BEGAIN: variants seen among roughly 807,000 people sequenced by gnomAD.
The protein encoded by BEGAIN is brain enriched guanylate kinase associated, also known as brain-enriched guanylate kinase-associated protein.
A neutral mutation model predicts 35.8 loss-of-function variants in BEGAIN; 19 were observed. The observed-to-expected ratio is 0.53, with a 90% CI of 0.37 to 0.78. The LOEUF is 0.78. Ranked by LOEUF, BEGAIN falls within the 30% of genes least tolerant of loss-of-function variation. The pLI is 0.00. For missense variants in BEGAIN, 795 were observed against 853.6 expected (o/e 0.93, Z 0.85); for synonymous variants, 462 against 388.6 (o/e 1.19, Z -2.22).
Position 100,567,675 on chromosome 14 carries a change from G to C in BEGAIN, c.71+236C>G, listed in dbSNP as rs909235420. 6.6e-6 allele frequency among the ~76,000 whole-genome samples: 1 copy of C among 151,406 alleles called. No individual in the cohort carries two copies. The highest frequency in any genetic ancestry group is 1.5e-5 in the Non-Finnish European group (1 of 67,638). On this transcript the variant is annotated intron_variant, in intron 2 of 6. Coordinates refer to ENST00000554140, the MANE Select transcript of BEGAIN (RefSeq NM_001385089.1). The surrounding 1 kb of genome is among the most constrained non-coding windows in gnomAD (Gnocchi z 5.1). The stretch of plus-strand genomic sequence containing the variant: ...GGCAGCCCGGCCCTCAGTGGCGCTA[G>C]CCCCAGCCCCCGCCGCAGCGGCCCG...
In BEGAIN at chr14:100,568,166, G is replaced by A. The variant is rs1303683289; in HGVS notation, c.43-227C>T. ...CAGGTGAGCCCGCCCGGGCCGCCGC[G>A]CTCCCCGCACCGAGTTACGCCCCCC... On this transcript the variant is annotated intron_variant, in intron 1 of 6. Coordinates refer to ENST00000554140, the MANE Select transcript of BEGAIN (RefSeq NM_001385089.1). The surrounding 1 kb of genome is among the most constrained non-coding windows in gnomAD (Gnocchi z 7.5). The A allele has an allele frequency of 1.0e-5, 9 of 900,434 alleles. No homozygotes were observed. The highest frequency in any genetic ancestry group is 1.2e-5 in the Non-Finnish European group (9 of 748,998). 55.8% of individuals were successfully genotyped at this position (900,434 alleles called of 1,614,324 possible).
rs985629159 is a variant in BEGAIN at position 100,587,231 on chromosome 14, C to T, written c.42+18G>A. ...CGCCCGCGCCCGCGCCCTGCCCTCC[C>T]GGCTCGCAGGTACTCACCGCCCGGC... On this transcript the variant is annotated intron_variant, in intron 1 of 6. Transcript: ENST00000554140. 1.0e-5 allele frequency: 2 copies of T among 192,410 alleles called. No homozygotes were observed. The highest frequency in any genetic ancestry group is 8.0e-5 in the South Asian group (1 of 12,472). The allele number at this position is 192,410 out of a possible 1,614,324, so 11.9% of individuals were successfully genotyped here. A position where few individuals can be genotyped will look rare whatever the true frequency, so the allele number is the denominator to read the frequency against.
Position 100,545,082 on chromosome 14 carries a change from A to AG in BEGAIN, c.234-17dup. On this transcript the variant is annotated splice_polypyrimidine_tract_variant and intron_variant, in intron 3 of 6. Transcript: ENST00000554140. ...GCTCTGAATCCTGGTGCAGGAGGCAAGGGGGTCACTGCCATGCAAGGCCTG... is the reference window on the plus strand; with the variant it reads ...GCTCTGAATCCTGGTGCAGGAGGCAAGGGGGGTCACTGCCATGCAAGGCCTG... 6.2e-7 allele frequency: 1 copy of AG among 1,613,004 alleles called. No individual in the cohort carries two copies. Among genetic ancestry groups the AG allele is most frequent in the South Asian group, 1.1e-5 (1 of 91,090 alleles).
Position 100,538,237 on chromosome 14 carries a change from C to T in BEGAIN, c.1571G>A (p.Arg524His), listed in dbSNP as rs764209715. The T allele has an allele frequency of 2.6e-6, 4 of 1,567,910 alleles. No individual in the cohort carries two copies. In the Admixed American group the frequency reaches 5.4e-5, roughly 21 times the overall value. Residue 524 changes from arginine to histidine, a missense_variant, in exon 7 of 7, where the codon CGC becomes CAC. By Grantham distance (29) the Arg-to-His change is conservative. This residue lies in a region of BEGAIN where 664 missense variants were observed against 647.7 expected (regional missense o/e 1.03). Coordinates refer to ENST00000554140, the MANE Select transcript of BEGAIN (RefSeq NM_001385089.1). ...AGGDLSLSPG[R>H]SADPLPGYAP... is the part of the protein sequence containing the mutation. ...ATAGCCGGGCAGTGGGTCAGCCGAG[C>T]GGCCGGGACTGAGGCTCAGGTCGCC...
chr14:100,580,468 C>T (rs1351851613), intron 1 of BEGAIN, among the ~76,000 whole-genome samples: 2 of 152,174 alleles, frequency 1.3e-5, no homozygotes, highest in Non-Finnish European at 2.9e-5. Context: ...GAACGTCTCT[C>T]AGGTCCTGAA....
In BEGAIN at chr14:100,538,703, C is replaced by G. The variant is rs760231970; in HGVS notation, c.1105G>C (p.Ala369Pro). Residue 369 changes from alanine to proline, a missense_variant, in exon 7 of 7, where the codon GCC (alanine) becomes CCC (proline). Around this residue, in one of 3 missense-constraint regions of BEGAIN, gnomAD observed 664 missense variants for 647.7 expected, o/e 1.03. Coordinates refer to ENST00000554140, the MANE Select transcript of BEGAIN (RefSeq NM_001385089.1). ...GCCGCCACCGCGGCCGTGGCCTTGG[C>G]AAAGCGAGGGCTGCCCTCGTAGGTG... ...ATTYEGSPRF[A>P]KATAAVAAPL... 27 of 1,560,256 alleles carry G rather than the reference C, an allele frequency of 1.7e-5. No individual in the cohort carries two copies. Among genetic ancestry groups the G allele is most frequent in the Non-Finnish European group, 1.1e-5 (13 of 1,152,548 alleles).
chr14:100,582,213 C>T (rs535800894), intron 1 of BEGAIN, among the ~76,000 whole-genome samples: 241 of 152,280 alleles, frequency 1.6e-3, no homozygotes, highest in Non-Finnish European at 2.6e-3. Flanking sequence ...GGCGCGATCT[C>T]GGCTCACTGC....
chr14:100,561,013 A>T (rs967193434), intron 2 of BEGAIN, among the ~76,000 whole-genome samples: 7 of 144,274 alleles, frequency 4.9e-5, no homozygotes, highest in African/African-American at 1.9e-4. Context: ...CAGCCCTCGG[A>T]AGGATTTTCT....
Position 100,567,142 on chromosome 14 carries a change from C to G in BEGAIN, c.71+769G>C, listed in dbSNP as rs1318200439. Among the ~76,000 whole-genome samples, 2 of 152,190 alleles carry G rather than the reference C, an allele frequency of 1.3e-5. No homozygotes were observed. The highest frequency in any genetic ancestry group is 2.9e-5 in the Non-Finnish European group (2 of 68,030). ...CAGCCAGAGCTGGGCCTGCCGCCCACACAACGCCTCGGCTCAGGCTCCGGA... is the reference window on the plus strand; with the variant it reads ...CAGCCAGAGCTGGGCCTGCCGCCCAGACAACGCCTCGGCTCAGGCTCCGGA... On this transcript the variant is annotated intron_variant, in intron 2 of 6. Coordinates refer to ENST00000554140, the MANE Select transcript of BEGAIN (RefSeq NM_001385089.1). This position sits in a 1 kb window ranked among gnomAD's most constrained non-coding sequence, Gnocchi z 5.1.
chr14:100,553,228 A>G (rs1419166759), intron 2 of BEGAIN, among the ~76,000 whole-genome samples: 1 of 151,990 alleles, frequency 6.6e-6, no homozygotes, highest in Non-Finnish European at 1.5e-5. Context: ...CACAAGGTGC[A>G]CCTGTGTCCC....
chr14:100,538,545 G>C lies in BEGAIN; in HGVS notation c.1263C>G (p.Ala421=). 6.6e-7 allele frequency: 1 copy of C among 1,516,572 alleles called. No homozygotes were observed. The highest frequency in any genetic ancestry group is 8.8e-7 in the Non-Finnish European group (1 of 1,133,784). The allele number at this position is 1,516,572 out of a possible 1,614,324, so 93.9% of individuals were successfully genotyped here. The part of the protein sequence containing the change: ...LMPPNLWSLR[A]KPGTARLPGE... ...CGGGGAGCCGGGCGGTCCCCGGCTT[G>C]GCCCGCAGGCTCCACAGGTTTGGGG... The change falls in exon 7 of 7, where the codon GCC becomes GCG. Residue 421 remains alanine (A), a synonymous_variant. Coordinates refer to ENST00000554140, the MANE Select transcript of BEGAIN (RefSeq NM_001385089.1).
intron 5 of BEGAIN, among the ~76,000 whole-genome samples, chr14:100,543,341 C>T (rs2031922326): frequency 6.7e-6 from 1 of 148,370 alleles, no homozygotes; most frequent in South Asian, 2.2e-4. Context: ...ACACCATCAT[C>T]TTGGAGCCTA....
At chr14:100,553,273 T>A (rs2033383698) in intron 2 of BEGAIN, among the ~76,000 whole-genome samples, 1 of 152,020 alleles carries the variant, frequency 6.6e-6, no homozygotes, top group African/African-American at 2.4e-5. Flanking sequence ...CCGCCGCCTC[T>A]CAGCCCTGAG....
At position 100,586,857 on chromosome 14, in the gene BEGAIN, C is replaced by T. The variant is rs1159747317; in HGVS notation, c.42+392G>A. 1.3e-5 allele frequency among the ~76,000 whole-genome samples: 2 copies of T among 152,112 alleles called. No homozygotes were observed. The highest frequency in any genetic ancestry group is 2.9e-5 in the Non-Finnish European group (2 of 67,996). ...GCCCTGCCCCCAGACGCAGGCGGGT[C>T]CAGGCCTGCCCGCACCCTCGCCACC... On this transcript the variant is annotated intron_variant, in intron 1 of 6. Transcript: ENST00000554140. The surrounding 1 kb of genome is among the most constrained non-coding windows in gnomAD (Gnocchi z 4.9).
At chr14:100,576,620 A>C (rs535274892) in intron 1 of BEGAIN, among the ~76,000 whole-genome samples, 1 of 152,264 alleles carries the variant, frequency 6.6e-6, no homozygotes, top group East Asian at 1.9e-4. Flanking sequence ...GGGCACGAGC[A>C]ACATCCGGGC....
intron 2 of BEGAIN, among the ~76,000 whole-genome samples, chr14:100,550,084 G>A (rs1283358356): frequency 3.3e-5 from 5 of 152,194 alleles, no homozygotes; most frequent in African/African-American, 4.8e-5. Context: ...GTGTGCGTGC[G>A]CACGTGATTC....
intron 2 of BEGAIN, among the ~76,000 whole-genome samples, chr14:100,557,362 G>A (rs188206022): frequency 1.3e-5 from 2 of 152,358 alleles, no homozygotes; most frequent in East Asian, 1.9e-4. Flanking sequence ...AGAGATGACC[G>A]CCATGGCGGC....
chr14:100,576,845 C>T lies in BEGAIN; in HGVS notation c.43-8906G>A, dbSNP rs117076240. 2.8e-3 allele frequency among the ~76,000 whole-genome samples: 432 copies of T among 152,286 alleles called. 8 individuals carry two copies. The East Asian group carries it at 0.033, about 12-fold the overall frequency. On this transcript the variant is annotated intron_variant, in intron 1 of 6. Transcript: ENST00000554140. ...CCAGAGTGCATGTGTGGACGGGGTA[C>T]GAGGAAAGAGCTCTACAGCCCAAGC...
intron 6 of BEGAIN, 35 bp from the exon 7 acceptor site, chr14:100,539,350 AG>A: frequency 6.6e-7 from 1 of 1,520,426 alleles, no homozygotes; most frequent in Non-Finnish European, 8.8e-7. Flanking sequence ...CGGCGGGTAC[AG>A]GGTCACTGTT....
Sources: gnomAD v4.1 joint callset for allele counts (sites outside exome capture counted in the v4.1 genomes callset) on GRCh38, gnomAD v4.1.1 for gene constraint, gnomAD v4.1.1 regional missense constraint, Gnocchi (gnomAD v3.1) non-coding constraint, MANE v1.5 for transcripts, NCBI Gene and HGNC (gene_info 2026-07-23, HGNC 2026-07-21) for gene names.